CRMP1: variants seen among roughly 807,000 people sequenced by gnomAD.
CRMP1 encodes collapsin response mediator protein 1, also known as dihydropyrimidinase-related protein 1.
CRMP1 carries 19 observed loss-of-function variants against 68.3 expected under a neutral mutation model. The ratio of observed to expected loss-of-function variants is 0.28; its 90% confidence interval spans 0.19 to 0.41. The LOEUF (loss-of-function observed/expected upper bound fraction) is 0.41. Ranked by LOEUF, CRMP1 falls within the 10% of genes least tolerant of loss-of-function variation. The pLI is 1.00. For synonymous variants in CRMP1, 439 were observed against 399.6 expected, an observed-to-expected ratio of 1.10 and a Z score of -1.18; for missense variants, 791 against 967.4, an observed-to-expected ratio of 0.82 and a Z score of 2.42.
chr4:5,826,011 A>G (rs1323533931), intron 12 of CRMP1: 4 of 268,964 alleles, frequency 1.5e-5, no homozygotes, highest in South Asian at 1.2e-4. Flanking sequence ...GTGAACACGC[A>G]CACACACTTA....
rs1021831118 is a variant in CRMP1, at chr4:5,890,362, C to A, written c.381+2227G>T. On this transcript the variant is annotated intron_variant, in intron 1 of 13. Transcript: ENST00000324989. This position sits in a 1 kb window ranked among gnomAD's most constrained non-coding sequence, Gnocchi z 5.5. ...GCCGCAGCCGCTCAGCCTCCGGCAG[C>A]GGCAATCCTTGCGCCTGCGCCGCAG... Among the ~76,000 whole-genome samples, 1 of 152,198 alleles carries A rather than the reference C, an allele frequency of 6.6e-6. No individual in the cohort carries two copies. Among genetic ancestry groups the A allele is most frequent in the African/African-American group, 2.4e-5 (1 of 41,466 alleles).
Position 5,892,149 on chromosome 4 carries a change from T to C in CRMP1, c.381+440A>G, listed in dbSNP as rs565080189. On this transcript the variant is annotated intron_variant, in intron 1 of 13. Coordinates refer to ENST00000324989, the MANE Select transcript of CRMP1 (RefSeq NM_001014809.3). The surrounding 1 kb of genome is among the most constrained non-coding windows in gnomAD (Gnocchi z 8.6). ...CTCCCGGGGCCCGGCACACAGTAGG[T>C]GCTCTATAATTACTACCGACTGAGT... is the stretch of plus-strand genomic sequence containing the variant. Among the ~76,000 whole-genome samples the C allele has an allele frequency of 6.6e-6, 1 of 151,398 alleles. No individual in the cohort carries two copies. The highest frequency in any genetic ancestry group is 1.5e-5 in the Non-Finnish European group (1 of 67,820).
At chr4:5,831,872 C>T (rs1290178666) in intron 11 of CRMP1, among the ~76,000 whole-genome samples, 2 of 152,172 alleles carry the variant, frequency 1.3e-5, no homozygotes, top group East Asian at 3.8e-4. Flanking sequence ...TCCATGAGCC[C>T]CATTTCCCTG....
At position 5,859,767 on chromosome 4, in the gene CRMP1, C is replaced by A. The variant is rs886672183; in HGVS notation, c.655+1259G>T. On this transcript the variant is annotated intron_variant, in intron 3 of 13. Coordinates refer to ENST00000324989, the MANE Select transcript of CRMP1 (RefSeq NM_001014809.3). The surrounding 1 kb of genome is among the most constrained non-coding windows in gnomAD (Gnocchi z 5.2). ...GCTTGCCTCAAAAGTCGAGCCCCAC[C>A]CTCCTGGCTCAGGGACTTGGCAAAC... 6.6e-6 allele frequency among the ~76,000 whole-genome samples: 1 copy of A among 152,090 alleles called. No individual in the cohort carries two copies. The highest frequency in any genetic ancestry group is 2.4e-5 in the African/African-American group (1 of 41,438).
Position 5,859,552 on chromosome 4 carries a change from G to T in CRMP1, c.655+1474C>A, listed in dbSNP as rs989448365. Reference sequence around the variant, plus strand: ...CCACCCTAGGCACTTCCCACCATAAGGCCCACATTATAGATGAGGAAGCTG... The same window carrying T: ...CCACCCTAGGCACTTCCCACCATAATGCCCACATTATAGATGAGGAAGCTG... On this transcript the variant is annotated intron_variant, in intron 3 of 13. Transcript: ENST00000324989. This position sits in a 1 kb window ranked among gnomAD's most constrained non-coding sequence, Gnocchi z 5.2. 2.0e-5 allele frequency among the ~76,000 whole-genome samples: 3 copies of T among 152,196 alleles called. No homozygotes were observed. Among genetic ancestry groups the T allele is most frequent in the African/African-American group, 7.2e-5 (3 of 41,460 alleles).
At chr4:5,849,540 A>T in intron 5 of CRMP1, 68 bp from the exon 6 acceptor site, 1 of 1,101,014 alleles carries the variant, frequency 9.1e-7, no homozygotes, top group Non-Finnish European at 1.4e-6. Flanking sequence ...GTGTGCATTC[A>T]TGAAGACCGT....
chr4:5,831,812 T>G (rs555307440), intron 11 of CRMP1, among the ~76,000 whole-genome samples: 1 of 152,134 alleles, frequency 6.6e-6, no homozygotes, highest in Non-Finnish European at 1.5e-5. Flanking sequence ...ATACAAACAA[T>G]GTAAAAATTT....
intron 5 of CRMP1, 93 bp from the exon 6 acceptor site, chr4:5,849,565 T>C: frequency 2.5e-6 from 2 of 794,070 alleles, no homozygotes; most frequent in Non-Finnish European, 4.1e-6. Flanking sequence ...ATCACACCCA[T>C]TCGGTCATTC....
intron 6 of CRMP1, among the ~76,000 whole-genome samples, chr4:5,845,456 A>G (rs1712121095): frequency 1.3e-5 from 2 of 152,230 alleles, no homozygotes; most frequent in Non-Finnish European, 2.9e-5. Flanking sequence ...AGACCATCAC[A>G]TTAGCCTGAC....
In CRMP1 at chr4:5,853,049, G is replaced by A. The variant is rs148800318; in HGVS notation, c.821-1580C>T. 0.024 allele frequency among the ~76,000 whole-genome samples: 3,628 copies of A among 152,342 alleles called. 70 individuals carry two copies. Among genetic ancestry groups the A allele is most frequent in the Non-Finnish European group, 0.037 (2,486 of 68,032 alleles). The stretch of plus-strand genomic sequence containing the variant: ...TGGAGGAGCAGGCGCATCCTGATGA[G>A]CCAGGCAGACAGCTTGCAATTTATT... On this transcript the variant is annotated intron_variant, in intron 4 of 13. Transcript: ENST00000324989. The surrounding 1 kb of genome is among the most constrained non-coding windows in gnomAD (Gnocchi z 4.7).
chr4:5,836,992 C>G (rs1462727992), intron 9 of CRMP1, 86 bp from the exon 10 acceptor site: 2 of 1,437,244 alleles, frequency 1.4e-6, no homozygotes, highest in Non-Finnish European at 1.9e-6. Flanking sequence ...TGCAGCACAG[C>G]CAGTGAATGA....
intron 2 of CRMP1, among the ~76,000 whole-genome samples, chr4:5,862,901 GC>G (rs1294181843): frequency 2.0e-5 from 3 of 152,278 alleles, no homozygotes; most frequent in East Asian, 3.9e-4. Flanking sequence ...AACTTGCTGG[GC>G]TCAAGCGATC....
chr4:5,836,183 A>G (rs918118640), intron 10 of CRMP1, 98 bp from the exon 11 acceptor site: 2 of 1,124,048 alleles, frequency 1.8e-6, no homozygotes, highest in South Asian at 3.2e-5. Context: ...GAGGCCTTGC[A>G]AGGCTTGGAA....
In CRMP1 at chr4:5,825,454, G is replaced by A. The variant is rs1252956861; in HGVS notation, c.1969+40C>T. 9.8e-6 allele frequency: 15 copies of A among 1,532,822 alleles called. No individual in the cohort carries two copies. Among genetic ancestry groups the A allele is most frequent in the Admixed American group, 7.1e-5 (3 of 42,498 alleles). The allele number at this position is 1,532,822 out of a possible 1,614,324, so 95.0% of individuals were successfully genotyped here. On this transcript the variant is annotated intron_variant, in intron 13 of 13. Transcript: ENST00000324989. The surrounding 1 kb of genome is among the most constrained non-coding windows in gnomAD (Gnocchi z 4.4). Reference sequence around the variant, plus strand: ...CAGCAGGAAGGACTCGGCCTGAACTGCTGCAATTGTGGGGAGCCTGGGCCA... The same window carrying A: ...CAGCAGGAAGGACTCGGCCTGAACTACTGCAATTGTGGGGAGCCTGGGCCA...
Position 5,883,504 on chromosome 4 carries a change from T to C in CRMP1, c.381+9085A>G. Among the ~76,000 whole-genome samples, 1 of 152,266 alleles carries C rather than the reference T, an allele frequency of 6.6e-6. No individual in the cohort carries two copies. Among genetic ancestry groups the C allele is most frequent in the South Asian group, 2.1e-4 (1 of 4,814 alleles). On this transcript the variant is annotated intron_variant, in intron 1 of 13. Coordinates refer to ENST00000324989, the MANE Select transcript of CRMP1 (RefSeq NM_001014809.3). The surrounding 1 kb of genome is among the most constrained non-coding windows in gnomAD (Gnocchi z 4.5). ...TTAGTAGAGACAGGGTTTCACCATG[T>C]TGGCCAGGCTGGTCTCAAACTCTTG...
intron 1 of CRMP1, among the ~76,000 whole-genome samples, chr4:5,867,866 A>C (rs1714107799): frequency 6.6e-6 from 1 of 152,168 alleles, no homozygotes; most frequent in Non-Finnish European, 1.5e-5. Context: ...ATGACTATAG[A>C]TAGATAAATG....
At chr4:5,874,181 C>T (rs1714651637) in intron 1 of CRMP1, among the ~76,000 whole-genome samples, 1 of 152,176 alleles carries the variant, frequency 6.6e-6, no homozygotes, top group African/African-American at 2.4e-5. Context: ...CAAAATGATA[C>T]ACAAAGATGC....
In CRMP1 at chr4:5,825,067, G is replaced by C. The variant is rs911432333; in HGVS notation, c.1969+427C>G. The C allele has an allele frequency of 1.0e-6, 1 of 985,262 alleles. No individual in the cohort carries two copies. The highest frequency in any genetic ancestry group is 1.7e-5 in the African/African-American group (1 of 57,208). The allele number at this position is 985,262 out of a possible 1,614,324, so 61.0% of individuals were successfully genotyped here. A position where few individuals can be genotyped will look rare whatever the true frequency, so the allele number is the denominator to read the frequency against. On this transcript the variant is annotated intron_variant, in intron 13 of 13. Transcript: ENST00000324989. This position sits in a 1 kb window ranked among gnomAD's most constrained non-coding sequence, Gnocchi z 4.4. ...AGGATAAAATAAAATCATGGGTTAT[G>C]AAAGTGCTTAGTACACTGCAGTGGG...
At chr4:5,871,330 C>T (rs1030892229) in intron 1 of CRMP1, among the ~76,000 whole-genome samples, 1 of 152,122 alleles carries the variant, frequency 6.6e-6, no homozygotes, top group African/African-American at 2.4e-5. Flanking sequence ...TAGGTACAGG[C>T]CCAGACAGGG....
Sources: gnomAD v4.1 joint callset for allele counts (sites outside exome capture counted in the v4.1 genomes callset) on GRCh38, gnomAD v4.1.1 for gene constraint, Gnocchi (gnomAD v3.1) non-coding constraint, MANE v1.5 for transcripts, NCBI Gene and HGNC (gene_info 2026-07-23, HGNC 2026-07-21) for gene names.